DMD: variants seen among roughly 807,000 people sequenced by gnomAD.
DMD encodes the protein dystrophin, also known as mutant dystrophin.
Under a neutral mutation model 330.1 loss-of-function variants are expected in DMD, and 63 were observed. That is an observed-to-expected ratio of 0.19 (90% CI 0.16 to 0.24). DMD has a LOEUF of 0.24. Ranked by LOEUF, DMD falls within the 10% of genes least tolerant of loss-of-function variation. The pLI is 1.00. For synonymous variants in DMD, 1,223 were observed against 959.8 expected (o/e 1.27, Z -5.07); for missense variants, 3,344 against 2,684.1 (o/e 1.25, Z -5.43).
chrX:33,113,877 A>T (rs1188623145), intron 1 of DMD, among the ~76,000 whole-genome samples: 1 of 110,848 alleles, frequency 9.0e-6, no homozygotes, highest in Non-Finnish European at 1.9e-5. Flanking sequence ...GAAATGGATA[A>T]ACTGCAGACA....
At chrX:32,783,913 T>C (rs1312835727) in intron 7 of DMD, among the ~76,000 whole-genome samples, 6 of 108,140 alleles carry the variant, frequency 5.5e-5, no homozygotes, top group Non-Finnish European at 1.2e-4. Context: ...GCTGCTTAAA[T>C]GACCAACTTA....
chrX:32,694,684 T>G (rs6527221), intron 9 of DMD, among the ~76,000 whole-genome samples: 15,686 of 111,405 alleles, frequency 0.14, 2,629 homozygotes, highest in African/African-American at 0.47. Context: ...GAGACAGAGT[T>G]TCACTCTTGT....
At chrX:32,076,626 G>A (rs1377579967) in intron 44 of DMD, among the ~76,000 whole-genome samples, 2 of 111,288 alleles carry the variant, frequency 1.8e-5, no homozygotes, top group African/African-American at 3.3e-5. Flanking sequence ...TGATCCGCCC[G>A]CCTCAGGCTC....
intron 43 of DMD, among the ~76,000 whole-genome samples, chrX:32,252,393 T>C (rs1325583): frequency 0.069 from 7,491 of 107,835 alleles, 522 homozygotes; most frequent in East Asian, 0.47. Context: ...TATACACTCA[T>C]GTATATGATT....
chrX:32,879,273 C>A (rs1297862497), intron 2 of DMD, among the ~76,000 whole-genome samples: 1 of 111,346 alleles, frequency 9.0e-6, no homozygotes, highest in African/African-American at 3.3e-5. Flanking sequence ...GCAGACTGTT[C>A]TTGGGCCGCT....
chrX:33,289,214 ACCAT>A (rs2053478280), intron 1 of DMD, among the ~76,000 whole-genome samples: 1 of 111,162 alleles, frequency 9.0e-6, no homozygotes, highest in East Asian at 2.8e-4. Flanking sequence ...TCCTTTGAAA[ACCAT>A]TATTTTCAAA....
intron 1 of DMD, among the ~76,000 whole-genome samples, chrX:33,124,205 C>A (rs766019246): frequency 5.7e-4 from 59 of 103,836 alleles, no homozygotes; most frequent in African/African-American, 1.9e-3. Context: ...TGGCCAGGCA[C>A]GGTGGCTCAC....
rs1569553638 is a variant in DMD, at chrX:32,252,737, T to TATATATAA, written c.6290+34784_6290+34791dup. On this transcript the variant is annotated intron_variant, in intron 43 of 78. Transcript: ENST00000357033. ...ATAAATATATATAAATATATAAATA[T>TATATATAA]ATATATAAATATATATAAATATATA... Among the ~76,000 whole-genome samples, 5 of 35,880 alleles carry TATATATAA rather than the reference T, an allele frequency of 1.4e-4. No individual in the cohort carries two copies. In the Admixed American group the frequency reaches 2.1e-3, roughly 15 times the overall value. The allele number at this position is 35,880 out of a possible 115,157, so 31.2% of individuals were successfully genotyped here. A position where few individuals can be genotyped will look rare whatever the true frequency, so the allele number is the denominator to read the frequency against.
chrX:33,164,187 C>T (rs2048940588), intron 1 of DMD, among the ~76,000 whole-genome samples: 1 of 111,308 alleles, frequency 9.0e-6, no homozygotes, highest in Middle Eastern at 4.7e-3. Flanking sequence ...AAATAGTGGA[C>T]GGAATATGCA....
chrX:33,089,488 G>A (rs2095056365), intron 1 of DMD, among the ~76,000 whole-genome samples: 1 of 110,690 alleles, frequency 9.0e-6, no homozygotes, highest in South Asian at 3.8e-4. Flanking sequence ...GAGCCCAGGA[G>A]TTCCAGGCCA....
Position 33,211,444 on chromosome X carries a change from G to C in DMD, c.-132C>G. 8.7e-7 allele frequency: 1 copy of C among 1,145,111 alleles called. No homozygotes were observed. The highest frequency in any genetic ancestry group is 1.2e-6 in the Non-Finnish European group (1 of 861,966). 94.4% of individuals were successfully genotyped at this position (1,145,111 alleles called of 1,213,427 possible). On this transcript the variant is annotated 5_prime_UTR_variant, in exon 1 of 79. Transcript: ENST00000357033. ...CAGCTTTAAAAAAAGTAACACTTCAGTTTTTCCTATTCGTTTTTCTCCGAA... is the reference window on the plus strand; with the variant it reads ...CAGCTTTAAAAAAAGTAACACTTCACTTTTTCCTATTCGTTTTTCTCCGAA...
At chrX:32,618,742 A>G (rs993006171) in intron 11 of DMD, among the ~76,000 whole-genome samples, 2 of 111,486 alleles carry the variant, frequency 1.8e-5, no homozygotes, top group Non-Finnish European at 3.8e-5. Context: ...TAGCATGGCT[A>G]CTATCCAAAA....
chrX:31,128,137 CTTCT>C (rs2033979009), intron 77 of DMD, among the ~76,000 whole-genome samples: 1 of 111,434 alleles, frequency 9.0e-6, no homozygotes, highest in South Asian at 3.9e-4. Flanking sequence ...TCACTCACCC[CTTCT>C]TTTTGATTCC....
intron 48 of DMD, among the ~76,000 whole-genome samples, chrX:31,844,859 T>G (rs1305949480): frequency 4.5e-5 from 5 of 110,999 alleles, no homozygotes; most frequent in African/African-American, 1.6e-4. Flanking sequence ...AATTAAGGCA[T>G]GTACATTAGT....
At chrX:32,650,141 T>C (rs1156443603) in intron 9 of DMD, among the ~76,000 whole-genome samples, 1 of 111,521 alleles carries the variant, frequency 9.0e-6, no homozygotes, top group Non-Finnish European at 1.9e-5. Flanking sequence ...ACCACAAAGC[T>C]CTTAGAAAAA....
intron 2 of DMD, among the ~76,000 whole-genome samples, chrX:33,016,640 A>C (rs2093808804): frequency 8.9e-6 from 1 of 111,873 alleles, no homozygotes; most frequent in Admixed American, 9.6e-5. Context: ...ATGTTGGAAA[A>C]AAATCAGACA....
intron 77 of DMD, among the ~76,000 whole-genome samples, chrX:31,126,882 A>C (rs1341823756): frequency 9.0e-6 from 1 of 110,516 alleles, no homozygotes; most frequent in Non-Finnish European, 1.9e-5. Context: ...TACACTTAAG[A>C]TCAGTGTAAA....
intron 42 of DMD, among the ~76,000 whole-genome samples, chrX:32,308,363 C>G (rs1296071827): frequency 9.0e-6 from 1 of 111,198 alleles, no homozygotes; most frequent in East Asian, 2.8e-4. Context: ...CCTTCCCAAC[C>G]AGCAGCTGTA....
intron 54 of DMD, among the ~76,000 whole-genome samples, chrX:31,631,727 T>G (rs1443240405): frequency 3.6e-5 from 4 of 111,798 alleles, no homozygotes; most frequent in Non-Finnish European, 5.6e-5. Flanking sequence ...GAACTTGACC[T>G]CCTGAATTGT....
Sources: allele counts gnomAD v4.1 joint callset (sites outside exome capture counted in the v4.1 genomes callset), GRCh38; gene constraint gnomAD v4.1.1; transcripts MANE v1.5; gene names NCBI Gene and HGNC (gene_info 2026-07-23, HGNC 2026-07-21).